Variants in FAT1 observed in about 807,000 individuals in gnomAD.
FAT1 encodes the protein FAT atypical cadherin 1, also known as protocadherin Fat 1.
In FAT1, 171 loss-of-function variants were observed where a neutral mutation model predicts 329.8. That is an observed-to-expected ratio of 0.52 (90% CI 0.46 to 0.59). FAT1 has a LOEUF of 0.59. Ranked by LOEUF, FAT1 falls within the 20% of genes least tolerant of loss-of-function variation. The pLI, the probability that FAT1 is intolerant of heterozygous loss-of-function variation, is 0.00. For missense variants in FAT1, 5,672 were observed against 5,774.4 expected, an observed-to-expected ratio of 0.98 and a Z score of 0.57; for synonymous variants, 2,233 against 2,228.6, an observed-to-expected ratio of 1.00 and a Z score of -0.06.
intron 1 of FAT1, 29 bp from the exon 2 acceptor site, chr4:186,709,874 C>A (rs778163024): frequency 6.5e-7 from 1 of 1,528,062 alleles, no homozygotes. Context: ...GAATCGTTAC[C>A]TTGGGGAAAT....
chr4:186,598,181 G>A (rs973067762), intron 22 of FAT1, 56 bp from the exon 23 acceptor site: 22 of 1,449,654 alleles, frequency 1.5e-5, no homozygotes, highest in Non-Finnish European at 2.0e-5. Flanking sequence ...CAGAAACCTG[G>A]TCTTAATTAT....
rs1262066852 is a variant in FAT1, at chr4:186,708,319, T to C, written c.1509A>G (p.Ala503=). 6 of 1,613,836 alleles carry C rather than the reference T, an allele frequency of 3.7e-6. No individual in the cohort carries two copies. The Middle Eastern group carries it at 4.9e-4, about 133-fold the overall frequency. ...GENGYVTYSI[A]NLNHVPFAID... ...TCGCAAACGGCACATGATTTAAATT[T>C]GCGATACTGTATGTCACGTACCCGT... The change falls in exon 2 of 27, where the codon GCA becomes GCG. Residue 503 remains alanine (A), a synonymous_variant. Transcript: ENST00000441802.
At chr4:186,632,481 T>C (rs1396777241) in intron 7 of FAT1, among the ~76,000 whole-genome samples, 1 of 152,164 alleles carries the variant, frequency 6.6e-6, no homozygotes, top group African/African-American at 2.4e-5. Flanking sequence ...AGGGCTTATG[T>C]TTAAAGAGAG....
intron 16 of FAT1, among the ~76,000 whole-genome samples, chr4:186,606,963 C>A (rs1739174985): frequency 6.6e-6 from 1 of 152,192 alleles, no homozygotes. Context: ...CAGGCTAGCT[C>A]CTTTGGTATC....
At chr4:186,695,621 T>C (rs1743988342) in intron 2 of FAT1, among the ~76,000 whole-genome samples, 1 of 152,198 alleles carries the variant, frequency 6.6e-6, no homozygotes, top group African/African-American at 2.4e-5. Flanking sequence ...GCTGGATGCC[T>C]AGATGCCAGT....
In FAT1 at chr4:186,613,286, G is replaced by A. The variant is rs200812915; in HGVS notation, c.9286C>T (p.Leu3096Phe). ...DREEQAVYHL[L>F]VRATDGGGRF... ...CCTCCTCCATCTGTGGCCCTGACGA[G>A]AAGATGATAAACAGCTTGCTCCTCA... is the stretch of plus-strand genomic sequence containing the variant. The change falls in exon 13 of 27, where the codon CTC (leucine) becomes TTC (phenylalanine). Residue 3096 changes from leucine (L) to phenylalanine (F), a missense_variant. This residue lies in a region of FAT1 where 3,966 missense variants were observed against 3,915.2 expected (regional missense o/e 1.01). Transcript: ENST00000441802. 1.2e-6 allele frequency: 2 copies of A among 1,614,030 alleles called. No individual in the cohort carries two copies. Among genetic ancestry groups the A allele is most frequent in the Non-Finnish European group, 1.7e-6 (2 of 1,179,896 alleles).
chr4:186,626,475 G>A (rs1398966865), intron 9 of FAT1, among the ~76,000 whole-genome samples: 1 of 99,824 alleles, frequency 1.0e-5, no homozygotes, highest in Non-Finnish European at 2.1e-5. Context: ...ATGGCACCTC[G>A]CACATAAACT....
In FAT1 at chr4:186,708,035, T is replaced by C. The variant is rs759975427; in HGVS notation, c.1793A>G (p.Glu598Gly). The part of the protein sequence containing the change: ...ITTVSAIDAD[E>G]LQLVQYQIEA... ...AATCTGATACTGTACCAACTGAAGT[T>C]CATCTGCATCAATAGCAGAAACAGT... The change falls in exon 2 of 27, where the codon GAA becomes GGA. Residue 598 changes from glutamate to glycine, a missense_variant. Coordinates refer to ENST00000441802, the MANE Select transcript of FAT1 (RefSeq NM_005245.4). 3.1e-6 allele frequency: 5 copies of C among 1,613,892 alleles called. No individual in the cohort carries two copies. The highest frequency in any genetic ancestry group is 4.2e-6 in the Non-Finnish European group (5 of 1,179,912).
In FAT1 at chr4:186,715,032, C is replaced by T. The variant is rs369226122; in HGVS notation, c.-18-5187G>A. Among the ~76,000 whole-genome samples, 8 of 152,040 alleles carry T rather than the reference C, an allele frequency of 5.3e-5. No homozygotes were observed. The East Asian group carries it at 9.6e-4, about 18-fold the overall frequency. Reference sequence around the variant, plus strand: ...GACGGAGGTTGCACTGAGCTGAGATCGCACCACTGCACTCCAGCCTAGGTG... The same window carrying T: ...GACGGAGGTTGCACTGAGCTGAGATTGCACCACTGCACTCCAGCCTAGGTG... On this transcript the variant is annotated intron_variant, in intron 1 of 26. Coordinates refer to ENST00000441802, the MANE Select transcript of FAT1 (RefSeq NM_005245.4).
chr4:186,617,094 T>C lies in FAT1; in HGVS notation c.8986A>G (p.Ile2996Val), dbSNP rs752588652. Residue 2996 changes from isoleucine to valine, a missense_variant, in exon 11 of 27, where the codon ATC becomes GTC. Physicochemically the swap from Ile to Val is conservative, Grantham distance 29. Coordinates refer to ENST00000441802, the MANE Select transcript of FAT1 (RefSeq NM_005245.4). ...REKRDNYLLT[I>V]TATDGTFSSK... ...GAGAAGGTGCCATCAGTTGCCGTGA[T>C]AGTAAGAAGGTAATTGTCCCTTTTT... is the stretch of plus-strand genomic sequence containing the variant. 8.1e-5 allele frequency: 130 copies of C among 1,613,898 alleles called. No individual in the cohort carries two copies. Among genetic ancestry groups the C allele is most frequent in the Non-Finnish European group, 1.1e-4 (124 of 1,179,894 alleles).
intron 2 of FAT1, among the ~76,000 whole-genome samples, chr4:186,706,343 A>G (rs1022027861): frequency 1.1e-4 from 17 of 152,140 alleles, no homozygotes; most frequent in African/African-American, 4.1e-4. Context: ...ACTTTACGCC[A>G]CTTAAATCAC....
rs373662152 is a variant in FAT1, at chr4:186,663,205, CAA to C, written c.3580+92_3580+93del. ...AAAAGGAAAACAATTTATCAAGAAA[CAA>C]AAGTATGTAACAGATAAATGCTAAT... On this transcript the variant is annotated intron_variant, in intron 3 of 26. Coordinates refer to ENST00000441802, the MANE Select transcript of FAT1 (RefSeq NM_005245.4). The C allele has an allele frequency of 1.6e-3, 1,573 of 988,870 alleles. 18 individuals are homozygous for C. In the African/African-American group the frequency reaches 0.024, roughly 15 times the overall value. The allele number at this position is 988,870 out of a possible 1,614,324, so 61.3% of individuals were successfully genotyped here. A position where few individuals can be genotyped will look rare whatever the true frequency, so the allele number is the denominator to read the frequency against.
At chr4:186,712,933 A>T (rs1453927051) in intron 1 of FAT1, among the ~76,000 whole-genome samples, 2 of 104,392 alleles carry the variant, frequency 1.9e-5, no homozygotes, top group African/African-American at 9.2e-5. Flanking sequence ...CGGTTGAGGG[A>T]CAGCGGTAAG....
At chr4:186,639,696 G>C (rs1456699478) in intron 4 of FAT1, 26 bp downstream of exon 4, 1 of 1,466,348 alleles carries the variant, frequency 6.8e-7, no homozygotes, top group Non-Finnish European at 9.5e-7. Context: ...GAATCTTTAA[G>C]TATTAAAGAT....
At chr4:186,687,665 A>G (rs1445472589) in intron 2 of FAT1, among the ~76,000 whole-genome samples, 1 of 152,168 alleles carries the variant, frequency 6.6e-6, no homozygotes, top group Non-Finnish European at 1.5e-5. Flanking sequence ...TAATGCGTAT[A>G]TCTCAAAATC....
intron 17 of FAT1, among the ~76,000 whole-genome samples, chr4:186,605,333 G>C (rs1739063907): frequency 7.0e-6 from 1 of 142,376 alleles, no homozygotes; most frequent in Non-Finnish European, 1.5e-5. Context: ...GGGTAGTGAG[G>C]AGGAGGGGTG....
rs1739934814 is a variant in FAT1 at position 186,619,786 on chromosome 4, A to G, written c.6800T>C (p.Val2267Ala). 1.2e-6 allele frequency: 2 copies of G among 1,614,016 alleles called. No homozygotes were observed. The highest frequency in any genetic ancestry group is 2.2e-5 in the East Asian group (1 of 44,876). ...TDSLTGAHAE[V>A]FVDIIVDDIN... ...GTCGTCTACTATGATGTCCACAAAT[A>G]CTTCAGCATGAGCGCCCGTCAAGGA... Residue 2267 changes from valine to alanine, a missense_variant, in exon 10 of 27, where the codon GTA (valine) becomes GCA (alanine). Val to Ala is a moderately conservative substitution (Grantham distance 64). Transcript: ENST00000441802.
intron 3 of FAT1, among the ~76,000 whole-genome samples, chr4:186,648,663 G>A (rs1490836886): frequency 6.6e-6 from 1 of 152,144 alleles, no homozygotes; most frequent in African/African-American, 2.4e-5. Flanking sequence ...GAGTCAGCAG[G>A]AGAAACTTTC....
At chr4:186,725,633 C>G (rs1347904738), upstream of FAT1, among the ~76,000 whole-genome samples, 1 of 151,952 alleles carries the variant, frequency 6.6e-6, no homozygotes, top group African/African-American at 2.4e-5. This position sits in a 1 kb window ranked among gnomAD's most constrained non-coding sequence, Gnocchi z 5.4. Context: ...TTCTACTGAT[C>G]CTTAAGCGCC....
Sources: gnomAD v4.1 joint callset for allele counts (sites outside exome capture counted in the v4.1 genomes callset) on GRCh38, gnomAD v4.1.1 for gene constraint, gnomAD v4.1.1 regional missense constraint, Gnocchi (gnomAD v3.1) non-coding constraint, MANE v1.5 for transcripts, NCBI Gene and HGNC (gene_info 2026-07-23, HGNC 2026-07-21) for gene names.